CGGBP1: variants seen among roughly 807,000 people sequenced by gnomAD.
CGGBP1 encodes the protein CGG triplet repeat binding protein 1.
In CGGBP1, 4 loss-of-function variants were observed where a neutral mutation model predicts 11.4. The ratio of observed to expected loss-of-function variants is 0.35; its 90% CI spans 0.17 to 0.80. The LOEUF is 0.80. Among genes scored for constraint, CGGBP1 ranks in the 30% least tolerant of loss-of-function variants. The pLI, the probability that CGGBP1 is intolerant of heterozygous loss-of-function variation, is 0.52. For synonymous variants in CGGBP1, 76 were observed against 74.1 expected (o/e 1.03, Z -0.13); for missense variants, 135 against 202.1 (o/e 0.67, Z 2.01).
At chr3:88,143,390 TTTC>T (rs1707218474) in intron 1 of CGGBP1, 2 of 152,284 alleles carry the variant, frequency 1.3e-5, no homozygotes, top group African/African-American at 2.4e-5. Context: ...ATTAAAATCT[TTTC>T]TTTAAGGTCA....
chr3:88,063,376 A>G (rs1375951285), upstream of CGGBP1, among the ~76,000 whole-genome samples: 2 of 152,344 alleles, frequency 1.3e-5, no homozygotes, highest in African/African-American at 2.4e-5. Flanking sequence ...ACTGTGGGCC[A>G]GGCACTGTAA....
intron 2 of CGGBP1, chr3:88,057,806 G>A (rs1380490067): frequency 6.6e-6 from 1 of 152,242 alleles, no homozygotes; most frequent in African/African-American, 2.4e-5. Context: ...ATTTCAAGAA[G>A]TCTGTTTGTG....
chr3:88,067,450 A>G (rs578249456), intron 2 of CGGBP1, among the ~76,000 whole-genome samples: 1 of 152,292 alleles, frequency 6.6e-6, no homozygotes, highest in East Asian at 1.9e-4. Flanking sequence ...ATATGTGTGA[A>G]TGAGCTCACA....
In CGGBP1 at chr3:88,126,703, C is replaced by T. The variant is rs1197403433; in HGVS notation, c.-229+14267G>A. On this transcript the variant is annotated intron_variant, in intron 2 of 3. Transcript: ENST00000462901. Reference sequence around the variant, plus strand: ...CTGGAACTCTGAATTTTTGTCACTACTACTGCATATCCTATAGCTAGCCCA... The same window carrying T: ...CTGGAACTCTGAATTTTTGTCACTATTACTGCATATCCTATAGCTAGCCCA... Among the ~76,000 whole-genome samples the T allele has an allele frequency of 2.0e-5, 3 of 149,152 alleles. No homozygotes were observed. The Admixed American group carries it at 2.0e-4, about 10-fold the overall frequency.
At chr3:88,078,074 A>G (rs1234664137) in intron 2 of CGGBP1, among the ~76,000 whole-genome samples, 2 of 152,238 alleles carry the variant, frequency 1.3e-5, no homozygotes, top group Non-Finnish European at 2.9e-5. Context: ...TATATTAGCA[A>G]GTATAATACT....
intron 2 of CGGBP1, among the ~76,000 whole-genome samples, chr3:88,096,402 T>C (rs1040708066): frequency 6.6e-6 from 1 of 152,092 alleles, no homozygotes; most frequent in African/African-American, 2.4e-5. Context: ...TAACTACTGC[T>C]ATAGAGGATC....
intron 2 of CGGBP1, among the ~76,000 whole-genome samples, chr3:88,085,517 A>C (rs988405849): frequency 2.0e-5 from 3 of 152,222 alleles, no homozygotes; most frequent in African/African-American, 7.2e-5. Context: ...GGCAGGCAGT[A>C]GTTTTAGATG....
intron 2 of CGGBP1, chr3:88,086,352 A>G: frequency 6.5e-7 from 1 of 1,535,682 alleles, no homozygotes; most frequent in South Asian, 1.2e-5. Flanking sequence ...CCAGTGCATC[A>G]TTCCCAGATG....
chr3:88,074,989 T>C lies in CGGBP1; in HGVS notation c.-228-16766A>G, dbSNP rs181657735. On this transcript the variant is annotated intron_variant, in intron 2 of 3. Transcript: ENST00000462901. ...TCTGTTTGCCATATTTTGTGGAGGG[T>C]GCTCTTACCCTGACCATTTCCTCCT... is the stretch of plus-strand genomic sequence containing the variant. Among the ~76,000 whole-genome samples the C allele has an allele frequency of 2.6e-4, 40 of 152,286 alleles. No individual in the cohort carries two copies. In the East Asian group the frequency reaches 7.7e-3, roughly 29 times the overall value.
chr3:88,133,957 C>T (rs1221498310), intron 2 of CGGBP1, among the ~76,000 whole-genome samples: 1 of 151,816 alleles, frequency 6.6e-6, no homozygotes, highest in Non-Finnish European at 1.5e-5. Context: ...ATCAGTTTTG[C>T]AGGAATATGA....
At chr3:88,100,752 T>A (rs971172537) in intron 2 of CGGBP1, among the ~76,000 whole-genome samples, 1 of 151,976 alleles carries the variant, frequency 6.6e-6, no homozygotes, top group Non-Finnish European at 1.5e-5. Flanking sequence ...TAGGTGGGAA[T>A]TGAACAATGA....
At chr3:88,141,545 T>G (rs1707133036) in intron 1 of CGGBP1, 20 of 822,876 alleles carry the variant, frequency 2.4e-5, no homozygotes, top group Non-Finnish European at 3.4e-5. Context: ...AATATCAATA[T>G]CCTTTAAAAT....
rs971011848 is a variant in CGGBP1, at chr3:88,052,116, C to T, written c.*3357G>A. The stretch of plus-strand genomic sequence containing the variant: ...CATGCGTGAGCAAAAAAAATAAGCA[C>T]AGAATACAAAAATGAAATAGTAAAA... On this transcript the variant is annotated 3_prime_UTR_variant, in exon 4 of 4. Transcript: ENST00000482016. 2 of 152,524 alleles carry T rather than the reference C, an allele frequency of 1.3e-5. No individual in the cohort carries two copies. Among genetic ancestry groups the T allele is most frequent in the Non-Finnish European group, 2.9e-5 (2 of 68,006 alleles). 9.4% of individuals were successfully genotyped at this position (152,524 alleles called of 1,614,324 possible).
chr3:88,059,350 G>C (rs1287680147), upstream of CGGBP1: 1 of 1,534,822 alleles, frequency 6.5e-7, no homozygotes, highest in East Asian at 2.4e-5. Flanking sequence ...CCAAGAGGCC[G>C]AACGCCTCGG....
At chr3:88,086,790 T>C (rs1708356798) in intron 2 of CGGBP1, among the ~76,000 whole-genome samples, 1 of 152,134 alleles carries the variant, frequency 6.6e-6, no homozygotes, top group South Asian at 2.1e-4. Context: ...TTTTGTTGTT[T>C]TGTTCTTTTT....
chr3:88,100,400 T>G (rs1218013683), intron 2 of CGGBP1, among the ~76,000 whole-genome samples: 1 of 152,216 alleles, frequency 6.6e-6, no homozygotes, highest in Non-Finnish European at 1.5e-5. Context: ...TCAACCATTG[T>G]GGAAGTCAGT....
intron 2 of CGGBP1, among the ~76,000 whole-genome samples, chr3:88,133,700 G>T (rs907315176): frequency 3.3e-5 from 5 of 152,054 alleles, no homozygotes; most frequent in Non-Finnish European, 7.4e-5. Context: ...CATTTCTATT[G>T]CTGTTAACTT....
At position 88,055,334 on chromosome 3, in the gene CGGBP1, C is replaced by A; in HGVS notation, c.*139G>T. 1 of 733,512 alleles carries A rather than the reference C, an allele frequency of 1.4e-6. No individual in the cohort carries two copies. Among genetic ancestry groups the A allele is most frequent in the Non-Finnish European group, 2.0e-6 (1 of 505,060 alleles). The allele number at this position is 733,512 out of a possible 1,614,324, so 45.4% of individuals were successfully genotyped here. ...TTGCAGTGAGGTGGTTTTTTTTTTG[C>A]CTGCAACTATATACACATTGCAAAA... On this transcript the variant is annotated 3_prime_UTR_variant, in exon 4 of 4. Transcript: ENST00000482016. The surrounding 1 kb of genome is among the most constrained non-coding windows in gnomAD (Gnocchi z 4.2).
At chr3:88,069,353 C>T (rs9864220) in intron 2 of CGGBP1, among the ~76,000 whole-genome samples, 119,134 of 152,070 alleles carry the variant, frequency 0.78, 47,590 homozygotes, top group South Asian at 0.91. Flanking sequence ...ACTCTGGAGG[C>T]GGAGGTTGCA....
Sources: gnomAD v4.1 joint callset for allele counts (sites outside exome capture counted in the v4.1 genomes callset) on GRCh38, gnomAD v4.1.1 for gene constraint, Gnocchi (gnomAD v3.1) non-coding constraint, MANE v1.5 for transcripts, NCBI Gene and HGNC (gene_info 2026-07-23, HGNC 2026-07-21) for gene names.